ATP10B: variants seen among roughly 807,000 people sequenced by gnomAD.
ATP10B encodes the protein ATPase phospholipid transporting 10B (putative), also known as phospholipid-transporting ATPase VB.
In ATP10B, 122 loss-of-function variants were observed where a neutral mutation model predicts 141.2. The ratio of observed to expected loss-of-function variants is 0.86; its 90% confidence interval spans 0.75 to 1.00. The LOEUF (loss-of-function observed/expected upper bound fraction) is 1.00. Ranked by LOEUF, ATP10B falls within the 50% of genes least tolerant of loss-of-function variation. The probability of loss-of-function intolerance (pLI) is 0.00; values close to 1 mark genes in which losing one functional copy is unlikely to be tolerated. For synonymous variants in ATP10B, 685 were observed against 692.0 expected, an observed-to-expected ratio of 0.99 and a Z score of 0.16; for missense variants, 1,876 against 1,825.3, an observed-to-expected ratio of 1.03 and a Z score of -0.51.
chr5:160,718,280 G>C (rs1297396853), intron 2 of ATP10B, among the ~76,000 whole-genome samples: 1 of 152,116 alleles, frequency 6.6e-6, no homozygotes, highest in African/African-American at 2.4e-5. Flanking sequence ...AAGTCTACTA[G>C]GAGATGAAGC....
At chr5:160,872,486 T>C in the ATP10B span, among the ~76,000 whole-genome samples, 30 of 152,364 alleles carry the variant, frequency 2.0e-4, no homozygotes, top group Middle Eastern at 0.01. Context: ...TCCAATGTTA[T>C]CTTCTAGAAC....
intron 1 of ATP10B, among the ~76,000 whole-genome samples, chr5:160,833,126 T>C (rs1194621525): frequency 1.3e-5 from 2 of 152,120 alleles, no homozygotes; most frequent in African/African-American, 4.8e-5. Context: ...ATGGAGAGAT[T>C]TAACAAGGCA....
the ATP10B span, among the ~76,000 whole-genome samples, chr5:160,918,139 G>T: frequency 3.9e-5 from 6 of 152,354 alleles, no homozygotes; most frequent in East Asian, 1.2e-3. Flanking sequence ...GTCATTGTCA[G>T]TGAGCACCTA....
At chr5:160,854,792 T>C (rs1007114019), upstream of ATP10B, among the ~76,000 whole-genome samples, 10 of 152,158 alleles carry the variant, frequency 6.6e-5, no homozygotes, top group Non-Finnish European at 2.9e-5. Context: ...GGTGCTAATT[T>C]TTACTGAGTA....
At chr5:160,671,565 T>A (rs1458336890) in intron 6 of ATP10B, among the ~76,000 whole-genome samples, 1 of 152,094 alleles carries the variant, frequency 6.6e-6, no homozygotes, top group Admixed American at 6.5e-5. Flanking sequence ...TTTGATGAAA[T>A]GAGACCTCAC....
chr5:160,615,684 T>C (rs887235893), intron 17 of ATP10B, among the ~76,000 whole-genome samples, 154 bp downstream of exon 17: 2 of 152,096 alleles, frequency 1.3e-5, no homozygotes, highest in African/African-American at 4.8e-5. Context: ...GGGTTGGGTA[T>C]TGGCATGGCC....
chr5:160,794,552 T>C (rs1771809319), intron 1 of ATP10B, among the ~76,000 whole-genome samples: 1 of 152,200 alleles, frequency 6.6e-6, no homozygotes, highest in Non-Finnish European at 1.5e-5. Context: ...TGGGATGAGA[T>C]AATCCTGGAG....
intron 9 of ATP10B, among the ~76,000 whole-genome samples, chr5:160,643,549 T>C (rs1760038407): frequency 6.6e-6 from 1 of 152,198 alleles, no homozygotes; most frequent in South Asian, 2.1e-4. Flanking sequence ...GCTATTATCT[T>C]TTTTCATTGG....
intron 23 of ATP10B, 51 bp downstream of exon 23, chr5:160,591,008 A>T: frequency 6.8e-7 from 1 of 1,470,310 alleles, no homozygotes; most frequent in Non-Finnish European, 9.5e-7. Flanking sequence ...TATAAAAAGG[A>T]CCAGTTCTTC....
chr5:160,644,866 T>A (rs369457981), intron 8 of ATP10B, among the ~76,000 whole-genome samples: 1 of 152,064 alleles, frequency 6.6e-6, no homozygotes, highest in East Asian at 1.9e-4. Context: ...GCCTGTAATC[T>A]CAGCACTTTG....
intron 13 of ATP10B, among the ~76,000 whole-genome samples, chr5:160,630,259 GC>G (rs1725441607): frequency 6.6e-6 from 1 of 152,190 alleles, no homozygotes; most frequent in African/African-American, 2.4e-5. Context: ...GGGACTGCCA[GC>G]CAGGGCAGGA....
At chr5:160,691,540 T>C (rs1420903911) in intron 3 of ATP10B, among the ~76,000 whole-genome samples, 6 of 152,336 alleles carry the variant, frequency 3.9e-5, no homozygotes, top group Non-Finnish European at 7.3e-5. Context: ...TCTCATGTAG[T>C]AGGCTCATAG....
chr5:160,755,841 ATATATATATATAT>A (rs1768544314), intron 2 of ATP10B, among the ~76,000 whole-genome samples: 91 of 30,920 alleles, frequency 2.9e-3, no homozygotes, highest in African/African-American at 0.013. Flanking sequence ...AAAAAAAAAT[ATATATATATATAT>A]ATATATATAT....
chr5:160,565,936 T>A, intron 25 of ATP10B, 36 bp from the exon 26 acceptor site: 1 of 1,536,510 alleles, frequency 6.5e-7, no homozygotes, highest in Non-Finnish European at 8.8e-7. Flanking sequence ...TATTTCTGAT[T>A]TCCACTGACT....
chr5:160,796,586 C>T (rs35740903), intron 1 of ATP10B, among the ~76,000 whole-genome samples: 66,558 of 151,586 alleles, frequency 0.44, 14,639 homozygotes, highest in East Asian at 0.6. Context: ...GTCTTCTTGC[C>T]ACACATTTAC....
chr5:160,595,485 G>T (rs1756613512), intron 22 of ATP10B, among the ~76,000 whole-genome samples: 1 of 151,754 alleles, frequency 6.6e-6, no homozygotes, highest in South Asian at 2.1e-4. Flanking sequence ...AAAAGAACTA[G>T]AGAAGCAAGA....
chr5:160,783,395 GTGATGGA>G (rs1770864181), intron 2 of ATP10B, among the ~76,000 whole-genome samples: 1 of 103,628 alleles, frequency 9.6e-6, no homozygotes, highest in African/African-American at 3.7e-5. Flanking sequence ...ATATATATAT[GTGATGGA>G]TATATCTATC....
In ATP10B at chr5:160,620,313, T is replaced by C. The variant is rs1291911498; in HGVS notation, c.2416+34A>G. Reference sequence around the variant, plus strand: ...CACTGCTTCTTAAACTATAGAACTCTCTGTGCCTGGAACCCTGGTAAGGCA... The same window carrying C: ...CACTGCTTCTTAAACTATAGAACTCCCTGTGCCTGGAACCCTGGTAAGGCA... On this transcript the variant is annotated intron_variant, in intron 15 of 25. Coordinates refer to ENST00000327245, the MANE Select transcript of ATP10B (RefSeq NM_025153.3). 12 of 1,572,456 alleles carry C rather than the reference T, an allele frequency of 7.6e-6. 1 individual carries two copies. The highest frequency in any genetic ancestry group is 8.6e-6 in the Non-Finnish European group (10 of 1,158,934).
chr5:160,877,985 C>T, the ATP10B span, among the ~76,000 whole-genome samples: 125 of 151,984 alleles, frequency 8.2e-4, no homozygotes, highest in African/African-American at 3.0e-3. Context: ...TCAATGCCAT[C>T]CCCATCAAGC....
Sources: allele counts gnomAD v4.1 joint callset (sites outside exome capture counted in the v4.1 genomes callset), GRCh38; gene constraint gnomAD v4.1.1; transcripts MANE v1.5; gene names NCBI Gene and HGNC (gene_info 2026-07-23, HGNC 2026-07-21).